CNTN4: variants seen among roughly 807,000 people sequenced by gnomAD.
CNTN4 encodes contactin 4.
A neutral mutation model predicts 122.5 loss-of-function variants in CNTN4; 77 were observed. The ratio of observed to expected loss-of-function variants is 0.63; its 90% CI spans 0.52 to 0.76. CNTN4 has a LOEUF of 0.76. Among genes scored for constraint, CNTN4 ranks in the 30% least tolerant of loss-of-function variants. CNTN4 has a pLI of 0.00. For synonymous variants in CNTN4, 512 were observed against 447.0 expected (o/e 1.15, Z -1.83); for missense variants, 1,256 against 1,259.1 (o/e 1.00, Z 0.04).
intron 3 of CNTN4, among the ~76,000 whole-genome samples, chr3:2,479,475 A>G (rs2075924718): frequency 2.6e-5 from 4 of 152,186 alleles, no homozygotes; most frequent in Admixed American, 2.6e-4. Context: ...TCAGCCCATA[A>G]AAGGGAAGAA....
intron 3 of CNTN4, among the ~76,000 whole-genome samples, chr3:2,406,337 A>G (rs1021062148): frequency 3.3e-5 from 5 of 152,186 alleles, no homozygotes; most frequent in South Asian, 2.1e-4. Flanking sequence ...CTTGTGAAAA[A>G]TATATAACTT....
Position 3,042,248 on chromosome 3 carries a change from T to C in CNTN4, c.2399-62T>C, listed in dbSNP as rs1574909191. ...GAATTATTTTACCTTATAATGCTAG[T>C]ATCTACAATCCTGTCCTAATATAGC... On this transcript the variant is annotated intron_variant, in intron 20 of 24. Transcript: ENST00000418658. 10 of 1,138,506 alleles carry C rather than the reference T, an allele frequency of 8.8e-6. No individual in the cohort carries two copies. In the East Asian group the frequency reaches 2.1e-4, roughly 24 times the overall value. The allele number at this position is 1,138,506 out of a possible 1,614,324, so 70.5% of individuals were successfully genotyped here.
At chr3:2,499,713 T>A (rs2076545909) in intron 3 of CNTN4, among the ~76,000 whole-genome samples, 1 of 152,144 alleles carries the variant, frequency 6.6e-6, no homozygotes, top group South Asian at 2.1e-4. Context: ...TGCTTTATTC[T>A]AGGGTGCTTA....
chr3:2,912,579 G>A (rs1224160909), intron 12 of CNTN4, among the ~76,000 whole-genome samples: 1 of 151,984 alleles, frequency 6.6e-6, no homozygotes, highest in Non-Finnish European at 1.5e-5. Context: ...ATAAAAATCT[G>A]GTATAGAATG....
rs114300024 is a variant in CNTN4, at chr3:3,029,419, T to G, written c.1663-1436T>G. Among the ~76,000 whole-genome samples, 887 of 152,274 alleles carry G rather than the reference T, an allele frequency of 5.8e-3. 5 individuals are homozygous for G. Among genetic ancestry groups the G allele is most frequent in the African/African-American group, 0.02 (831 of 41,554 alleles). On this transcript the variant is annotated intron_variant, in intron 15 of 24. Coordinates refer to ENST00000418658, the MANE Select transcript of CNTN4 (RefSeq NM_175607.3). Reference sequence around the variant, plus strand: ...TCAGTAAATCAAGGCCAAGAGAGATTAAGAGATTTAGATGAAATCACACAG... The same window carrying G: ...TCAGTAAATCAAGGCCAAGAGAGATGAAGAGATTTAGATGAAATCACACAG...
rs146974520 is a variant in CNTN4 at position 2,262,800 on chromosome 3, A to G, written c.-144-76378A>G. Among the ~76,000 whole-genome samples, 721 of 152,240 alleles carry G rather than the reference A, an allele frequency of 4.7e-3. 6 individuals are homozygous for G. Among genetic ancestry groups the G allele is most frequent in the Non-Finnish European group, 5.2e-3 (351 of 68,020 alleles). Reference sequence around the variant, plus strand: ...AGATCAGGAGCTTAAATGAGATACAACTATATTTTTCTCTTTGAATTAAAA... The same window carrying G: ...AGATCAGGAGCTTAAATGAGATACAGCTATATTTTTCTCTTTGAATTAAAA... On this transcript the variant is annotated intron_variant, in intron 2 of 24. Transcript: ENST00000418658.
intron 8 of CNTN4, among the ~76,000 whole-genome samples, chr3:2,871,833 G>T (rs1399668109): frequency 1.3e-5 from 2 of 152,050 alleles, no homozygotes; most frequent in Non-Finnish European, 2.9e-5. Context: ...ATATTACTTT[G>T]CAGTATTCAC....
intron 4 of CNTN4, among the ~76,000 whole-genome samples, chr3:2,717,009 C>G (rs896659830): frequency 1.3e-5 from 2 of 152,086 alleles, no homozygotes; most frequent in African/African-American, 4.8e-5. Flanking sequence ...TTTATCCATT[C>G]ATCAGTCAAT....
chr3:2,313,245 A>G (rs1166503384), intron 2 of CNTN4, among the ~76,000 whole-genome samples: 3 of 152,086 alleles, frequency 2.0e-5, no homozygotes, highest in Non-Finnish European at 2.9e-5. Flanking sequence ...AAACAAAAAT[A>G]TAGTCATTAT....
intron 23 of CNTN4, among the ~76,000 whole-genome samples, chr3:3,051,439 T>C (rs1367366392): frequency 2.6e-5 from 4 of 152,326 alleles, no homozygotes. Context: ...GAAGTGTTTC[T>C]TTTGGATTTA....
intron 4 of CNTN4, among the ~76,000 whole-genome samples, chr3:2,646,717 C>T (rs1049793948): frequency 2.0e-5 from 3 of 152,154 alleles, no homozygotes; most frequent in African/African-American, 7.2e-5. Context: ...AGTCCAAGAT[C>T]AAGGCTTCAG....
intron 3 of CNTN4, among the ~76,000 whole-genome samples, chr3:2,365,518 G>A (rs1309451824): frequency 6.6e-6 from 1 of 152,098 alleles, no homozygotes; most frequent in African/African-American, 2.4e-5. Context: ...AATAATAAAG[G>A]AACAAGGAAT....
chr3:2,903,040 A>G (rs1188655906), intron 12 of CNTN4, 35 bp downstream of exon 12: 1 of 1,602,458 alleles, frequency 6.2e-7, no homozygotes, highest in Admixed American at 1.7e-5. Context: ...AAAAAATTAA[A>G]ACTCTTTAGA....
intron 3 of CNTN4, among the ~76,000 whole-genome samples, chr3:2,470,876 A>T (rs982124512): frequency 6.6e-6 from 1 of 152,206 alleles, no homozygotes; most frequent in Non-Finnish European, 1.5e-5. Flanking sequence ...GACGTCTGGT[A>T]TATGTAAGGT....
At chr3:2,867,076 T>C (rs1053964369) in intron 8 of CNTN4, 127 bp downstream of exon 8, 6 of 826,186 alleles carry the variant, frequency 7.3e-6, no homozygotes, top group Non-Finnish European at 1.2e-5. Flanking sequence ...TACTGCAGCC[T>C]ATATTTGGTA....
chr3:2,962,835 C>T (rs945805995), intron 13 of CNTN4, among the ~76,000 whole-genome samples: 17 of 152,184 alleles, frequency 1.1e-4, no homozygotes, highest in Non-Finnish European at 2.4e-4. Flanking sequence ...TAATGTTGAA[C>T]ACCATTCTTT....
At chr3:2,682,273 G>T (rs2085202965) in intron 4 of CNTN4, among the ~76,000 whole-genome samples, 1 of 152,186 alleles carries the variant, frequency 6.6e-6, no homozygotes, top group Non-Finnish European at 1.5e-5. Flanking sequence ...CCTCAAGGCG[G>T]TTCTGTCAAC....
chr3:2,821,392 T>C (rs1432332329), intron 7 of CNTN4, among the ~76,000 whole-genome samples: 4 of 152,232 alleles, frequency 2.6e-5, no homozygotes, highest in African/African-American at 9.6e-5. Flanking sequence ...GAAGTCTGCA[T>C]TCCAAACCAG....
chr3:2,251,338 A>G (rs576435424), intron 2 of CNTN4, among the ~76,000 whole-genome samples: 1 of 152,048 alleles, frequency 6.6e-6, no homozygotes, highest in East Asian at 1.9e-4. Context: ...GGGTTACCAA[A>G]TAAATGAAGG....
Sources: gnomAD v4.1 joint callset for allele counts (sites outside exome capture counted in the v4.1 genomes callset) on GRCh38, gnomAD v4.1.1 for gene constraint, MANE v1.5 for transcripts, NCBI Gene and HGNC (gene_info 2026-07-23, HGNC 2026-07-21) for gene names.